CD300C: variants seen among roughly 807,000 people sequenced by gnomAD.
The protein encoded by CD300C is CMRF35-like molecule 6.
CD300C carries 11 observed loss-of-function variants against 18.4 expected under a neutral mutation model. The ratio of observed to expected loss-of-function variants is 0.60; its 90% CI spans 0.38 to 0.99. The LOEUF (loss-of-function observed/expected upper bound fraction) is 0.99. Ranked by LOEUF, CD300C falls within the 50% of genes least tolerant of loss-of-function variation. CD300C has a pLI of 0.01. For synonymous variants in CD300C, 116 were observed against 116.3 expected, an observed-to-expected ratio of 1.00 and a Z score of 0.02; for missense variants, 277 against 287.4, an observed-to-expected ratio of 0.96 and a Z score of 0.26.
At chr17:74,536,472 G>A (rs1908378678), downstream of CD300C, among the ~76,000 whole-genome samples, 1 of 146,804 alleles carries the variant, frequency 6.8e-6, no homozygotes, top group Non-Finnish European at 1.5e-5. Flanking sequence ...GGCGGAGCTT[G>A]CAGTGAGCCG....
intron 2 of CD300C, 86 bp downstream of exon 2, chr17:74,544,523 C>T: frequency 6.9e-7 from 1 of 1,459,774 alleles, no homozygotes; most frequent in Non-Finnish European, 9.3e-7. Context: ...CAGGCTCACA[C>T]CCTCCTGTTC....
At chr17:74,536,708 C>T (rs1454248762), downstream of CD300C, among the ~76,000 whole-genome samples, 1 of 152,100 alleles carries the variant, frequency 6.6e-6, no homozygotes, top group Non-Finnish European at 1.5e-5. Context: ...TACCCATTAA[C>T]TTGAACAAAT....
At chr17:74,540,874 G>T (rs1398205281), downstream of CD300C, among the ~76,000 whole-genome samples, 1 of 152,196 alleles carries the variant, frequency 6.6e-6, no homozygotes, top group Non-Finnish European at 1.5e-5. Flanking sequence ...TTCACACTGA[G>T]AATCTTCTAC....
rs1376536429 is a variant in CD300C at position 74,542,879 on chromosome 17, T to C, written c.509A>G (p.Glu170Gly). 5.6e-6 allele frequency: 9 copies of C among 1,608,402 alleles called. No homozygotes were observed. The highest frequency in any genetic ancestry group is 6.8e-6 in the Non-Finnish European group (8 of 1,179,972). ...WPSVTRKDSP[E>G]PSPHPGSLFS... ...ACCTTACCCAGGGTGTGGGCTGGGT[T>C]CGGGGCTGTCCTTTCTGGTCACGCT... Residue 170 changes from glutamate (E) to glycine (G), a missense_variant, in exon 3 of 4, where the codon GAA (glutamate) becomes GGA (glycine). Glu to Gly is a moderately conservative substitution (Grantham distance 98). Coordinates refer to ENST00000330793, the MANE Select transcript of CD300C (RefSeq NM_006678.5).
At position 74,542,968 on chromosome 17, in the gene CD300C, G is replaced by A. The variant is rs780450980; in HGVS notation, c.420C>T (p.Ser140=). ...SVFPAGTTTA[S]SPQSSMGTSG... is the part of the protein sequence containing the mutation. ...AGGTGCCCATGGAGCTCTGGGGGCT[G>A]GAGGCTGTGGTCGTCCCGGCTGTGG... The change falls in exon 3 of 4, where the codon TCC becomes TCT. Residue 140 remains serine, a synonymous_variant. Transcript: ENST00000330793. 3 of 1,613,586 alleles carry A rather than the reference G, an allele frequency of 1.9e-6. No individual in the cohort carries two copies. The African/African-American group carries it at 4.0e-5, about 22-fold the overall frequency.
chr17:74,540,609 G>A (rs1908514654), downstream of CD300C, among the ~76,000 whole-genome samples: 1 of 152,146 alleles, frequency 6.6e-6, no homozygotes, highest in African/African-American at 2.4e-5. Context: ...GCCTCACAGG[G>A]GTCTTGGGTG....
rs890381925 is a variant in CD300C at position 74,541,372 on chromosome 17, G to A, written c.*217C>T. On this transcript the variant is annotated 3_prime_UTR_variant, in exon 4 of 4. Coordinates refer to ENST00000330793, the MANE Select transcript of CD300C (RefSeq NM_006678.5). ...ACGGCCCGAGGCTTAGCTGGCCGGG[G>A]CGTGCACATGAGACGTGGACTCACA... 9 of 521,166 alleles carry A rather than the reference G, an allele frequency of 1.7e-5. No homozygotes were observed. Among genetic ancestry groups the A allele is most frequent in the African/African-American group, 1.3e-4 (7 of 52,302 alleles). The allele number at this position is 521,166 out of a possible 1,614,324, so 32.3% of individuals were successfully genotyped here. A position where few individuals can be genotyped will look rare whatever the true frequency, so the allele number is the denominator to read the frequency against.
intron 2 of CD300C, among the ~76,000 whole-genome samples, chr17:74,543,475 T>C (rs1434474617): frequency 1.3e-5 from 2 of 152,166 alleles, no homozygotes; most frequent in Non-Finnish European, 2.9e-5. Flanking sequence ...CACAAGGCCA[T>C]TGGACCATCC....
At chr17:74,540,230 C>G (rs1025463509), downstream of CD300C, among the ~76,000 whole-genome samples, 1 of 152,170 alleles carries the variant, frequency 6.6e-6, no homozygotes, top group Admixed American at 6.5e-5. Context: ...CGCTCACCCC[C>G]CTCCTTTCTC....
chr17:74,544,592 GA>G lies in CD300C; in HGVS notation c.400+16del. The G allele has an allele frequency of 6.2e-7, 1 of 1,600,402 alleles. No individual in the cohort carries two copies. Among genetic ancestry groups the G allele is most frequent in the Non-Finnish European group, 8.5e-7 (1 of 1,170,834 alleles). On this transcript the variant is annotated intron_variant, in intron 2 of 3. Transcript: ENST00000330793. ...TAGGCTCAGGCAGGCCTGGTGCTGA[GA>G]AAAGGAGGGGCTCACCCGGGAACAC... is the stretch of plus-strand genomic sequence containing the variant.
chr17:74,544,962 C>G lies in CD300C; in HGVS notation c.62-15G>C, dbSNP rs748377988. 3 of 1,593,558 alleles carry G rather than the reference C, an allele frequency of 1.9e-6. No homozygotes were observed. The highest frequency in any genetic ancestry group is 2.6e-6 in the Non-Finnish European group (3 of 1,168,448). ...AGGAAAATAGCCTGAAAAATACAAG[C>G]CAAAATCCTGTCTCCTTACCAGAGG... On this transcript the variant is annotated splice_polypyrimidine_tract_variant and intron_variant, in intron 1 of 3. Transcript: ENST00000330793.
At chr17:74,542,833 G>T in intron 3 of CD300C, 28 bp downstream of exon 3, 1 of 1,586,798 alleles carries the variant, frequency 6.3e-7, no homozygotes. Context: ...CCGCCAGCGT[G>T]GCCCAGTCCT....
rs1908551452 is a variant in CD300C at position 74,541,627 on chromosome 17, T to C, written c.637A>G (p.Arg213Gly). 1 of 1,614,080 alleles carries C rather than the reference T, an allele frequency of 6.2e-7. No homozygotes were observed. Among genetic ancestry groups the C allele is most frequent in the East Asian group, 2.2e-5 (1 of 44,862 alleles). Reference protein sequence around the residue: ...LWVNRPQRSSRSRQNWPKGEN... With the variant: ...LWVNRPQRSSGSRQNWPKGEN... ...CCCTTGGGCCAATTCTGCCTGCTTCTAGAGCTTCTCTGAGGTCTGTTCACC... is the reference window on the plus strand; with the variant it reads ...CCCTTGGGCCAATTCTGCCTGCTTCCAGAGCTTCTCTGAGGTCTGTTCACC... The change falls in exon 4 of 4, where the codon AGA becomes GGA. Residue 213 changes from arginine (R) to glycine (G), a missense_variant. Physicochemically the swap from Arg to Gly is moderately radical, Grantham distance 125 (BLOSUM62 -2). Coordinates refer to ENST00000330793, the MANE Select transcript of CD300C (RefSeq NM_006678.5).
intron 2 of CD300C, among the ~76,000 whole-genome samples, chr17:74,543,229 G>A (rs1598138867): frequency 6.6e-6 from 1 of 152,262 alleles, no homozygotes; most frequent in Admixed American, 6.5e-5. Context: ...CTGCTCACCT[G>A]TGGCAAAGGT....
At chr17:74,535,637 G>A in the CD300C span, among the ~76,000 whole-genome samples, 1 of 151,870 alleles carries the variant, frequency 6.6e-6, no homozygotes, top group Non-Finnish European at 1.5e-5. Flanking sequence ...TTCATAGACA[G>A]AGAAATTATT....
chr17:74,542,917 C>T lies in CD300C; in HGVS notation c.471G>A (p.Val157=), dbSNP rs1568006694. 1.2e-6 allele frequency: 2 copies of T among 1,612,462 alleles called. No individual in the cohort carries two copies. Among genetic ancestry groups the T allele is most frequent in the Middle Eastern group, 1.7e-4 (1 of 5,764 alleles). Residue 157 remains valine, a synonymous_variant, in exon 3 of 4, where the codon GTG becomes GTA. Coordinates refer to ENST00000330793, the MANE Select transcript of CD300C (RefSeq NM_006678.5). The part of the protein sequence containing the change: ...GTSGPPTKLP[V]HTWPSVTRKD... ...TTCTGGTCACGCTGGGCCAGGTGTGCACGGGCAGCTTCGTGGGAGGACCTG... is the reference window on the plus strand; with the variant it reads ...TTCTGGTCACGCTGGGCCAGGTGTGTACGGGCAGCTTCGTGGGAGGACCTG...
intron 3 of CD300C, 145 bp downstream of exon 3, chr17:74,542,716 G>A (rs900281423): frequency 2.8e-5 from 27 of 967,626 alleles, no homozygotes; most frequent in South Asian, 1.2e-4. Context: ...CAAAAGGAGC[G>A]CCTGACACTT....
At chr17:74,543,490 A>C (rs1908633137) in intron 2 of CD300C, among the ~76,000 whole-genome samples, 1 of 152,210 alleles carries the variant, frequency 6.6e-6, no homozygotes, top group Admixed American at 6.5e-5. Context: ...CCATCCTCTC[A>C]GCAGGAGGGA....
At position 74,541,227 on chromosome 17, in the gene CD300C, A is replaced by C; in HGVS notation, c.*362T>G. On this transcript the variant is annotated 3_prime_UTR_variant, in exon 4 of 4. Coordinates refer to ENST00000330793, the MANE Select transcript of CD300C (RefSeq NM_006678.5). ...GGGAGTGTGGGCCATTATGGTGGCA[A>C]AGGTGCAGGGGAGTCCTAGACCTGC... is the stretch of plus-strand genomic sequence containing the variant. 4.6e-6 allele frequency: 1 copy of C among 218,684 alleles called. No individual in the cohort carries two copies. The highest frequency in any genetic ancestry group is 9.3e-6 in the Non-Finnish European group (1 of 107,682). The allele number at this position is 218,684 out of a possible 1,614,324, so 13.5% of individuals were successfully genotyped here. A position where few individuals can be genotyped will look rare whatever the true frequency, so the allele number is the denominator to read the frequency against.
Sources: allele counts gnomAD v4.1 joint callset (sites outside exome capture counted in the v4.1 genomes callset), GRCh38; gene constraint gnomAD v4.1.1; transcripts MANE v1.5; gene names NCBI Gene and HGNC (gene_info 2026-07-23, HGNC 2026-07-21).